Variants in CPNE4 observed in about 807,000 individuals in gnomAD.
The protein encoded by CPNE4 is copine-4.
A neutral mutation model predicts 67.9 loss-of-function variants in CPNE4; 25 were observed. The observed-to-expected ratio is 0.37, with a 90% confidence interval of 0.27 to 0.51. The LOEUF (loss-of-function observed/expected upper bound fraction) is 0.51, where lower values mean the gene tolerates loss of function less well. Among genes scored for constraint, CPNE4 ranks in the 20% least tolerant of loss-of-function variants. CPNE4 has a pLI of 0.93. For synonymous variants in CPNE4, 242 were observed against 244.9 expected (o/e 0.99, Z 0.11); for missense variants, 464 against 690.8 (o/e 0.67, Z 3.68).
intron 2 of CPNE4, among the ~76,000 whole-genome samples, chr3:131,781,924 C>T (rs973466705): frequency 3.3e-5 from 5 of 152,092 alleles, no homozygotes; most frequent in African/African-American, 1.2e-4. Context: ...TTTCTGATTG[C>T]CACCTCTAAG....
intron 1 of CPNE4, among the ~76,000 whole-genome samples, chr3:131,932,607 T>C (rs1328359881): frequency 1.3e-5 from 2 of 151,872 alleles, no homozygotes; most frequent in African/African-American, 4.8e-5. Context: ...GAAGGAACAT[T>C]TAAGTTGAAT....
At chr3:131,738,095 T>C (rs906484237) in intron 2 of CPNE4, among the ~76,000 whole-genome samples, 1 of 152,250 alleles carries the variant, frequency 6.6e-6, no homozygotes, top group African/African-American at 2.4e-5. Flanking sequence ...CAAGGTACCA[T>C]TCATTCTGCT....
At position 131,657,615 on chromosome 3, in the gene CPNE4, A is replaced by G. The variant is rs569662571; in HGVS notation, c.681+12060T>C. 3.4e-5 allele frequency among the ~76,000 whole-genome samples: 5 copies of G among 146,920 alleles called. No homozygotes were observed. In the East Asian group the frequency reaches 1.0e-3, roughly 29 times the overall value. On this transcript the variant is annotated intron_variant, in intron 7 of 15. Coordinates refer to ENST00000429747, the MANE Select transcript of CPNE4 (RefSeq NM_130808.3). The stretch of plus-strand genomic sequence containing the variant: ...AGTGGTGTGATCTCGACTCACTGCA[A>G]CCTCCAACTCACTGGTTCAAGAGAT...
At chr3:131,801,559 G>A (rs114934294) in intron 2 of CPNE4, among the ~76,000 whole-genome samples, 14 of 146,302 alleles carry the variant, frequency 9.6e-5, no homozygotes, top group African/African-American at 3.5e-4. Context: ...AACAATAGTA[G>A]AATCAAAATC....
intron 2 of CPNE4, among the ~76,000 whole-genome samples, chr3:131,863,605 G>A (rs1331059366): frequency 6.6e-6 from 1 of 152,074 alleles, no homozygotes; most frequent in East Asian, 1.9e-4. Context: ...CTGGATATTA[G>A]CCCTTTGTCA....
intron 2 of CPNE4, among the ~76,000 whole-genome samples, chr3:131,903,294 T>C (rs1159548919): frequency 1.3e-5 from 2 of 152,108 alleles, no homozygotes; most frequent in African/African-American, 4.8e-5. Flanking sequence ...CTTTATTTTC[T>C]TAGAATAAGA....
At chr3:131,704,310 T>C (rs2081369496) in intron 3 of CPNE4, among the ~76,000 whole-genome samples, 1 of 152,114 alleles carries the variant, frequency 6.6e-6, no homozygotes, top group African/African-American at 2.4e-5. Context: ...CACAGCAAGA[T>C]GGAAGTGGGG....
intron 3 of CPNE4, among the ~76,000 whole-genome samples, chr3:131,717,999 C>T (rs1181885372): frequency 2.0e-5 from 3 of 149,546 alleles, no homozygotes; most frequent in South Asian, 2.1e-4. Context: ...CTCTCTGTCT[C>T]TCTCTCTTTC....
rs1336301077 is a variant in CPNE4, at chr3:131,978,088, A to AAT, written c.-2+56477_-2+56478dup. Among the ~76,000 whole-genome samples, 9 of 26,520 alleles carry AAT rather than the reference A, an allele frequency of 3.4e-4. No individual in the cohort carries two copies. In the South Asian group the frequency reaches 6.5e-3, roughly 19 times the overall value. The allele number at this position is 26,520 out of a possible 152,430, so 17.4% of individuals were successfully genotyped here. ...ATATAAATATATATAAATATATATA[A>AAT]ATATATATATAAATATATATAAAAT... On this transcript the variant is annotated intron_variant, in intron 1 of 15. Transcript: ENST00000429747.
chr3:131,554,459 A>G (rs1210808077), intron 12 of CPNE4, among the ~76,000 whole-genome samples: 2 of 152,080 alleles, frequency 1.3e-5, no homozygotes, highest in African/African-American at 4.8e-5. Context: ...CTTTCTCTCC[A>G]CAAGCTGTAT....
chr3:131,888,906 A>G (rs919574079), intron 2 of CPNE4, among the ~76,000 whole-genome samples: 1 of 152,162 alleles, frequency 6.6e-6, no homozygotes, highest in Non-Finnish European at 1.5e-5. Flanking sequence ...TACAAAGATA[A>G]ATGGACCCAA....
intron 2 of CPNE4, among the ~76,000 whole-genome samples, chr3:131,821,265 T>C (rs1324278528): frequency 6.6e-6 from 1 of 152,206 alleles, no homozygotes; most frequent in Non-Finnish European, 1.5e-5. Flanking sequence ...CAATAGAAAC[T>C]AGCTTTGGCT....
At chr3:131,801,632 T>TGGA (rs1400441640) in intron 2 of CPNE4, among the ~76,000 whole-genome samples, 2 of 149,276 alleles carry the variant, frequency 1.3e-5, no homozygotes, top group Non-Finnish European at 3.0e-5. Flanking sequence ...TCGGGCAGGT[T>TGGA]GGAGAGGTAT....
intron 10 of CPNE4, among the ~76,000 whole-genome samples, chr3:131,566,520 T>C (rs1454093251): frequency 1.3e-5 from 2 of 151,472 alleles, no homozygotes; most frequent in Non-Finnish European, 2.9e-5. Context: ...CCTACATGCA[T>C]TTTCTGAACA....
At chr3:131,780,915 T>C (rs1035823713) in intron 2 of CPNE4, among the ~76,000 whole-genome samples, 3 of 151,708 alleles carry the variant, frequency 2.0e-5, no homozygotes, top group South Asian at 2.1e-4. Context: ...TAGGGGGAGA[T>C]ATGGAAACAG....
chr3:132,032,914 A>C (rs181722313), intron 1 of CPNE4, among the ~76,000 whole-genome samples: 1 of 152,304 alleles, frequency 6.6e-6, no homozygotes, highest in African/African-American at 2.4e-5. Flanking sequence ...TTTTTGGGGG[A>C]TATGCTATGT....
At chr3:131,755,197 ATTT>A (rs556616086) in intron 2 of CPNE4, among the ~76,000 whole-genome samples, 3 of 143,912 alleles carry the variant, frequency 2.1e-5, no homozygotes, top group African/African-American at 7.6e-5. Context: ...GGAATAGGTA[ATTT>A]TTTTTTTTTT....
intron 7 of CPNE4, among the ~76,000 whole-genome samples, chr3:131,600,317 TG>T (rs1397635587): frequency 2.6e-5 from 4 of 152,012 alleles, no homozygotes; most frequent in African/African-American, 9.7e-5. Context: ...AAACAGGAGA[TG>T]ATACATAGGA....
chr3:131,719,303 A>G (rs2081820109), intron 3 of CPNE4, among the ~76,000 whole-genome samples: 1 of 152,224 alleles, frequency 6.6e-6, no homozygotes, highest in Non-Finnish European at 1.5e-5. Context: ...TCAAGACATT[A>G]AATCTTTCTG....
Sources: allele counts gnomAD v4.1 joint callset (sites outside exome capture counted in the v4.1 genomes callset), GRCh38; gene constraint gnomAD v4.1.1; transcripts MANE v1.5; gene names NCBI Gene and HGNC (gene_info 2026-07-23, HGNC 2026-07-21).